CAMTA1: variants seen among roughly 807,000 people sequenced by gnomAD.
CAMTA1 encodes the protein calmodulin-binding transcription activator 1.
In CAMTA1, 27 loss-of-function variants were observed where a neutral mutation model predicts 170.9. The observed-to-expected ratio is 0.16, with a 90% CI of 0.12 to 0.22. The LOEUF (loss-of-function observed/expected upper bound fraction) is 0.22, where lower values mean the gene tolerates loss of function less well. CAMTA1 is among the 10% of genes least tolerant of loss of function. CAMTA1 has a pLI of 1.00. For synonymous variants in CAMTA1, 833 were observed against 891.5 expected, an observed-to-expected ratio of 0.93 and a Z score of 1.17; for missense variants, 1,619 against 2,217.2, an observed-to-expected ratio of 0.73 and a Z score of 5.42.
At chr1:7,394,429 C>A (rs998613736) in intron 5 of CAMTA1, among the ~76,000 whole-genome samples, 1 of 152,018 alleles carries the variant, frequency 6.6e-6, no homozygotes, top group Non-Finnish European at 1.5e-5. Flanking sequence ...CTTGCATTTC[C>A]CTGATGATTA....
intron 1 of CAMTA1, among the ~76,000 whole-genome samples, chr1:6,789,370 C>T (rs61627818): frequency 0.017 from 2,539 of 152,238 alleles, 31 homozygotes; most frequent in South Asian, 0.033. Context: ...GCTGGATGTC[C>T]GCCCATGTGT....
chr1:7,572,977 C>T (rs2095142695), intron 6 of CAMTA1, among the ~76,000 whole-genome samples: 1 of 152,306 alleles, frequency 6.6e-6, no homozygotes, highest in African/African-American at 2.4e-5. Context: ...AACAGGCAGC[C>T]GGCGCCTGAA....
chr1:7,241,841 T>G (rs183023589), intron 4 of CAMTA1, among the ~76,000 whole-genome samples: 1 of 152,010 alleles, frequency 6.6e-6, no homozygotes, highest in Non-Finnish European at 1.5e-5. Flanking sequence ...GCTAAAGATA[T>G]AAAAGATATA....
chr1:7,715,275 C>A lies in CAMTA1; in HGVS notation c.2915-17173C>A, dbSNP rs3011936. ...GTATTAGGGATTCGAGAGAGAGGATCCTCAGAAACAGTGCACAGTGCCACC... is the reference window on the plus strand; with the variant it reads ...GTATTAGGGATTCGAGAGAGAGGATACTCAGAAACAGTGCACAGTGCCACC... On this transcript the variant is annotated intron_variant, in intron 11 of 22. Transcript: ENST00000303635. Among the ~76,000 whole-genome samples, 21 of 151,952 alleles carry A rather than the reference C, an allele frequency of 1.4e-4. No individual in the cohort carries two copies. In the East Asian group the frequency reaches 3.7e-3, roughly 27 times the overall value.
At chr1:7,715,084 C>T (rs913475170) in intron 11 of CAMTA1, among the ~76,000 whole-genome samples, 5 of 152,170 alleles carry the variant, frequency 3.3e-5, no homozygotes, top group Non-Finnish European at 5.9e-5. Flanking sequence ...TTTGCCTGAT[C>T]TGCTATTAAT....
chr1:6,859,255 T>G (rs12354122), intron 3 of CAMTA1, among the ~76,000 whole-genome samples: 10,174 of 152,232 alleles, frequency 0.067, 385 homozygotes, highest in Middle Eastern at 0.1. Flanking sequence ...ATATACAGCT[T>G]CCCTGTTTTT....
At chr1:7,464,388 C>G (rs1016079340) in intron 5 of CAMTA1, among the ~76,000 whole-genome samples, 10 of 152,236 alleles carry the variant, frequency 6.6e-5, no homozygotes, top group African/African-American at 2.4e-4. Flanking sequence ...TCACTACAGA[C>G]AAACTTGATT....
intron 3 of CAMTA1, among the ~76,000 whole-genome samples, chr1:6,919,098 C>G (rs1681437998): frequency 6.6e-6 from 1 of 152,198 alleles, no homozygotes; most frequent in African/African-American, 2.4e-5. Flanking sequence ...CTGCTGACAC[C>G]TTTTTCCGGA....
chr1:6,966,611 C>CTTTT (rs70984045), intron 3 of CAMTA1, among the ~76,000 whole-genome samples: 85,819 of 128,146 alleles, frequency 0.67, 29,847 homozygotes, highest in South Asian at 0.76. Context: ...CTTTTGAAAC[C>CTTTT]TTTTTTTTTT....
At chr1:7,494,384 C>T (rs2149726599) in intron 6 of CAMTA1, among the ~76,000 whole-genome samples, 1 of 152,336 alleles carries the variant, frequency 6.6e-6, no homozygotes, top group African/African-American at 2.4e-5. Context: ...TAAATTCAAT[C>T]TCCTGAGCTG....
At chr1:7,690,260 C>T (rs537217444) in intron 11 of CAMTA1, among the ~76,000 whole-genome samples, 1 of 152,340 alleles carries the variant, frequency 6.6e-6, no homozygotes, top group African/African-American at 2.4e-5. Context: ...CTGGTGTCCC[C>T]GCGGAGTGAG....
chr1:7,107,045 G>A (rs1422328094), intron 4 of CAMTA1, among the ~76,000 whole-genome samples: 1 of 152,096 alleles, frequency 6.6e-6, no homozygotes, highest in African/African-American at 2.4e-5. Flanking sequence ...GTGGGGAGAG[G>A]GGGCCTCGAA....
rs1261543003 is a variant in CAMTA1, at chr1:7,463,905, G to T, written c.439-3925G>T. ...CAGAAACGCCACTTTCTTTTTTGAG[G>T]CATTTACTTTGAGCTGAAGGGAGCT... is the stretch of plus-strand genomic sequence containing the variant. On this transcript the variant is annotated intron_variant, in intron 5 of 22. Coordinates refer to ENST00000303635, the MANE Select transcript of CAMTA1 (RefSeq NM_015215.4). The surrounding 1 kb of genome is among the most constrained non-coding windows in gnomAD (Gnocchi z 4.7). Among the ~76,000 whole-genome samples, 1 of 152,172 alleles carries T rather than the reference G, an allele frequency of 6.6e-6. No individual in the cohort carries two copies. The highest frequency in any genetic ancestry group is 1.5e-5 in the Non-Finnish European group (1 of 68,018).
chr1:6,974,398 G>A (rs1418339158), intron 3 of CAMTA1, among the ~76,000 whole-genome samples: 1 of 152,228 alleles, frequency 6.6e-6, no homozygotes, highest in African/African-American at 2.4e-5. Flanking sequence ...CTAGCTTGGA[G>A]ATTTAATGTA....
At chr1:7,349,005 A>T (rs957613535) in intron 5 of CAMTA1, among the ~76,000 whole-genome samples, 4 of 152,140 alleles carry the variant, frequency 2.6e-5, no homozygotes, top group Admixed American at 6.5e-5. Context: ...ACAGTGAATC[A>T]TTTCTTCTTA....
chr1:7,377,205 T>A (rs1297878235), intron 5 of CAMTA1, among the ~76,000 whole-genome samples: 1 of 152,166 alleles, frequency 6.6e-6, no homozygotes, highest in Non-Finnish European at 1.5e-5. Context: ...TTCAAGCATT[T>A]ACTAGGGACT....
intron 3 of CAMTA1, among the ~76,000 whole-genome samples, chr1:6,872,691 C>T (rs1176468906): frequency 6.6e-6 from 1 of 152,012 alleles, no homozygotes; most frequent in South Asian, 2.1e-4. Flanking sequence ...TAATCTAAAG[C>T]AAAACAAACC....
chr1:7,591,700 C>G (rs1203530205), intron 6 of CAMTA1, among the ~76,000 whole-genome samples: 1 of 152,204 alleles, frequency 6.6e-6, no homozygotes, highest in Non-Finnish European at 1.5e-5. Context: ...GCGCCCTGCA[C>G]TGTTTGGTTC....
chr1:7,580,264 T>C lies in CAMTA1; in HGVS notation c.511-60136T>C, dbSNP rs572912206. Among the ~76,000 whole-genome samples, 1 of 152,042 alleles carries C rather than the reference T, an allele frequency of 6.6e-6. No homozygotes were observed. The highest frequency in any genetic ancestry group is 6.5e-5 in the Admixed American group (1 of 15,282). On this transcript the variant is annotated intron_variant, in intron 6 of 22. Coordinates refer to ENST00000303635, the MANE Select transcript of CAMTA1 (RefSeq NM_015215.4). The surrounding 1 kb of genome is among the most constrained non-coding windows in gnomAD (Gnocchi z 4.3). ...CTGGGGCTGTGGAGGCTGAGGCTCC[T>C]GGGGGGTTGTCCACATCTGGACCGT...
Sources: allele counts gnomAD v4.1 joint callset (sites outside exome capture counted in the v4.1 genomes callset), GRCh38; gene constraint gnomAD v4.1.1; non-coding constraint Gnocchi (gnomAD v3.1); transcripts MANE v1.5; gene names NCBI Gene and HGNC (gene_info 2026-07-23, HGNC 2026-07-21).